The following ANXA8 variants were observed in gnomAD, a reference collection of about 807,000 sequenced individuals.
ANXA8 encodes annexin A8.
A neutral mutation model predicts 26.8 loss-of-function variants in ANXA8; 9 were observed. The ratio of observed to expected loss-of-function variants is 0.34; its 90% CI spans 0.20 to 0.59. The LOEUF (loss-of-function observed/expected upper bound fraction) is 0.59, where lower values mean the gene tolerates loss of function less well. Ranked by LOEUF, ANXA8 falls within the 20% of genes least tolerant of loss-of-function variation. The pLI is 0.84. For synonymous variants in ANXA8, 39 were observed against 94.8 expected (o/e 0.41, Z 3.42); for missense variants, 83 against 238.5 (o/e 0.35, Z 4.29).
At chr10:47,552,126 C>T in the ANXA8 span, among the ~76,000 whole-genome samples, 2 of 151,626 alleles carry the variant, frequency 1.3e-5, no homozygotes, top group African/African-American at 4.9e-5. Flanking sequence ...CTCTGTTATG[C>T]TATAAATTAG....
At chr10:47,723,472 C>T in the ANXA8 span, among the ~76,000 whole-genome samples, 1 of 64,848 alleles carries the variant, frequency 1.5e-5, no homozygotes, top group Non-Finnish European at 3.1e-5. Context: ...CAAAGTTACA[C>T]TTTTGATGTT....
the ANXA8 span, among the ~76,000 whole-genome samples, chr10:47,559,170 G>GA: frequency 8.8e-4 from 10 of 11,370 alleles, no homozygotes; most frequent in Admixed American, 0.01. Flanking sequence ...TTTTTTTTTT[G>GA]AGGCGGAGTC....
At chr10:47,585,674 T>G in the ANXA8 span, among the ~76,000 whole-genome samples, 1 of 140,166 alleles carries the variant, frequency 7.1e-6, no homozygotes, top group South Asian at 2.3e-4. Context: ...TTCCCAAGTT[T>G]ATATTGAGAA....
At chr10:47,939,441 C>G in the ANXA8 span, among the ~76,000 whole-genome samples, 1 of 145,422 alleles carries the variant, frequency 6.9e-6, no homozygotes, top group Non-Finnish European at 1.5e-5. Context: ...CATGGCATGA[C>G]TCCAGCTAGG....
At chr10:47,520,923 G>C in the ANXA8 span, among the ~76,000 whole-genome samples, 1 of 119,630 alleles carries the variant, frequency 8.4e-6, no homozygotes, top group Non-Finnish European at 1.6e-5. Context: ...AATAAATCAA[G>C]ATGGCAGTAA....
the ANXA8 span, among the ~76,000 whole-genome samples, chr10:47,709,331 A>G: frequency 6.7e-6 from 1 of 149,976 alleles, no homozygotes; most frequent in East Asian, 1.9e-4. Flanking sequence ...CTGCTTTCTA[A>G]AAAGTACTTA....
the ANXA8 span, among the ~76,000 whole-genome samples, chr10:47,506,790 C>T: frequency 3.5e-5 from 5 of 143,850 alleles, no homozygotes; most frequent in African/African-American, 1.3e-4. Context: ...CAGGTGCGTG[C>T]CACCATGCCC....
the ANXA8 span, among the ~76,000 whole-genome samples, chr10:47,597,261 A>T: frequency 3.3e-5 from 5 of 149,380 alleles, no homozygotes; most frequent in African/African-American, 1.3e-4. Flanking sequence ...AACATACCTA[A>T]AATAATAAGA....
At chr10:47,656,204 C>T in the ANXA8 span, among the ~76,000 whole-genome samples, 2 of 151,650 alleles carry the variant, frequency 1.3e-5, no homozygotes, top group Non-Finnish European at 2.9e-5. Context: ...TGAAACCAGC[C>T]TGGGCAACAT....
the ANXA8 span, among the ~76,000 whole-genome samples, chr10:47,704,627 T>C: frequency 4.6e-5 from 7 of 151,614 alleles, no homozygotes; most frequent in African/African-American, 1.5e-4. Context: ...ATGGTTTACA[T>C]ACCTTTTCCC....
chr10:47,605,617 CAAAA>C, the ANXA8 span, among the ~76,000 whole-genome samples: 1 of 140,924 alleles, frequency 7.1e-6, no homozygotes, highest in Non-Finnish European at 1.5e-5. Context: ...CATAAACACA[CAAAA>C]TAAGTGTAAA....
chr10:47,932,718 T>TCTCTCTC, the ANXA8 span, among the ~76,000 whole-genome samples: 1 of 60,708 alleles, frequency 1.6e-5, no homozygotes, highest in African/African-American at 9.2e-5. Flanking sequence ...CTCTCTCTCT[T>TCTCTCTC]TCTCTGTCTT....
chr10:47,524,093 C>T, the ANXA8 span, among the ~76,000 whole-genome samples: 1 of 152,220 alleles, frequency 6.6e-6, no homozygotes, highest in South Asian at 2.1e-4. Context: ...GCCAATGGGA[C>T]TAAGGTTTTC....
chr10:47,703,635 A>G, the ANXA8 span, among the ~76,000 whole-genome samples: 1 of 151,696 alleles, frequency 6.6e-6, no homozygotes, highest in East Asian at 1.9e-4. Context: ...ACAATAATAA[A>G]TACTGCACCG....
the ANXA8 span, among the ~76,000 whole-genome samples, chr10:47,763,979 C>T: frequency 3.3e-5 from 5 of 151,972 alleles, no homozygotes; most frequent in Admixed American, 2.6e-4. Flanking sequence ...TCACCTAAGG[C>T]GAGGAGGGTG....
chr10:47,519,255 G>A, the ANXA8 span, among the ~76,000 whole-genome samples: 1 of 127,310 alleles, frequency 7.9e-6, no homozygotes, highest in East Asian at 3.4e-4. Flanking sequence ...ATCACTTGAG[G>A]TCAGGAGTTT....
At chr10:47,776,104 G>T in the ANXA8 span, among the ~76,000 whole-genome samples, 479 of 152,160 alleles carry the variant, frequency 3.1e-3, 5 homozygotes, top group Middle Eastern at 0.014. Context: ...ACAGTCAGGA[G>T]GAAACCGGTC....
At chr10:47,487,860 A>G (rs1413790695), upstream of ANXA8, among the ~76,000 whole-genome samples, 1 of 149,148 alleles carries the variant, frequency 6.7e-6, no homozygotes, top group African/African-American at 2.5e-5. Context: ...TTTTTGTCAT[A>G]GTTCTAAAGA....
chr10:47,703,777 T>C, the ANXA8 span, among the ~76,000 whole-genome samples: 2 of 147,536 alleles, frequency 1.4e-5, no homozygotes, highest in African/African-American at 4.9e-5. Flanking sequence ...AAGAAAACTC[T>C]TCAGACACCA....
Sources: gnomAD v4.1 joint callset for allele counts (sites outside exome capture counted in the v4.1 genomes callset) on GRCh38, gnomAD v4.1.1 for gene constraint, MANE v1.5 for transcripts, NCBI Gene and HGNC (gene_info 2026-07-23, HGNC 2026-07-21) for gene names.